Variants in LNPEP observed in about 807,000 individuals in gnomAD.
The protein encoded by LNPEP is leucyl and cystinyl aminopeptidase, also known as leucyl-cystinyl aminopeptidase.
Under a neutral mutation model 120.6 loss-of-function variants are expected in LNPEP, and 64 were observed. That is an observed-to-expected ratio of 0.53 (90% CI 0.43 to 0.65). LNPEP has a LOEUF of 0.65. Among genes scored for constraint, LNPEP ranks in the 30% least tolerant of loss-of-function variants. The probability of loss-of-function intolerance (pLI) is 0.00; values close to 1 mark genes in which losing one functional copy is unlikely to be tolerated. For synonymous variants in LNPEP, 435 were observed against 425.4 expected, an observed-to-expected ratio of 1.02 and a Z score of -0.28; for missense variants, 1,057 against 1,200.0, an observed-to-expected ratio of 0.88 and a Z score of 1.76.
At chr5:96,940,559 TAAAA>T (rs1012707724) in intron 1 of LNPEP, among the ~76,000 whole-genome samples, 3 of 152,010 alleles carry the variant, frequency 2.0e-5, no homozygotes, top group Non-Finnish European at 4.4e-5. Context: ...ACAGAAGAAA[TAAAA>T]AAGCAATAAA....
chr5:96,996,008 A>G (rs1790507153), intron 6 of LNPEP: 1 of 160,302 alleles, frequency 6.2e-6, no homozygotes. Context: ...TAATCTTACT[A>G]ACTTGATATT....
chr5:96,941,785 G>A (rs556351984), intron 1 of LNPEP, among the ~76,000 whole-genome samples: 1 of 152,324 alleles, frequency 6.6e-6, no homozygotes. Flanking sequence ...GCACCTGAAG[G>A]ACTTTGCATT....
chr5:96,990,578 G>C (rs771082400), intron 4 of LNPEP, among the ~76,000 whole-genome samples: 1 of 152,024 alleles, frequency 6.6e-6, no homozygotes, highest in Non-Finnish European at 1.5e-5. Flanking sequence ...ATTGTGTCAC[G>C]CACTAATCTA....
At chr5:96,963,998 A>G (rs192849871) in intron 1 of LNPEP, among the ~76,000 whole-genome samples, 6 of 152,184 alleles carry the variant, frequency 3.9e-5, no homozygotes, top group Admixed American at 3.9e-4. Flanking sequence ...TCTTCCACTT[A>G]TCTAATTGTA....
chr5:96,954,731 TATAC>T (rs1254947252), intron 1 of LNPEP, among the ~76,000 whole-genome samples: 3 of 107,722 alleles, frequency 2.8e-5, no homozygotes, highest in African/African-American at 1.1e-4. Context: ...TACATATATA[TATAC>T]ATATATATAT....
chr5:96,949,089 A>T (rs1019101694), intron 1 of LNPEP, among the ~76,000 whole-genome samples: 4 of 152,230 alleles, frequency 2.6e-5, no homozygotes, highest in African/African-American at 9.6e-5. Context: ...AAAAGCTGGG[A>T]ACTAATGGTG....
intron 6 of LNPEP, among the ~76,000 whole-genome samples, chr5:96,994,637 C>T (rs1233360225): frequency 6.6e-6 from 1 of 151,986 alleles, no homozygotes; most frequent in Non-Finnish European, 1.5e-5. Flanking sequence ...TCTATTTTGC[C>T]CTAGATGAGG....
chr5:96,954,525 A>G lies in LNPEP; in HGVS notation c.19+18351A>G, dbSNP rs571617658. Among the ~76,000 whole-genome samples the G allele has an allele frequency of 3.3e-3, 501 of 151,370 alleles. 6 individuals carry two copies. The highest frequency in any genetic ancestry group is 0.012 in the African/African-American group (482 of 41,212). ...AATTGTTCAAATGAATAAGCTTCTCAGATTTGGCCTTTGTATAATTAAAAT... is the reference window on the plus strand; with the variant it reads ...AATTGTTCAAATGAATAAGCTTCTCGGATTTGGCCTTTGTATAATTAAAAT... On this transcript the variant is annotated intron_variant, in intron 1 of 17. Coordinates refer to ENST00000231368, the MANE Select transcript of LNPEP (RefSeq NM_005575.3).
At chr5:97,012,231 T>TA (rs1443998802) in intron 11 of LNPEP, among the ~76,000 whole-genome samples, 3 of 152,114 alleles carry the variant, frequency 2.0e-5, no homozygotes, top group Non-Finnish European at 4.4e-5. Flanking sequence ...TGAAAAAGGA[T>TA]AAAATAAATG....
chr5:97,022,283 C>G lies in LNPEP; in HGVS notation c.2377-17C>G. On this transcript the variant is annotated splice_polypyrimidine_tract_variant and intron_variant, in intron 13 of 17. Coordinates refer to ENST00000231368, the MANE Select transcript of LNPEP (RefSeq NM_005575.3). ...CTAATTATTATGAAGCCATTATAAT[C>G]TATTTTGTCTCTCTAGACTAGGGTA... 1 of 1,441,082 alleles carries G rather than the reference C, an allele frequency of 6.9e-7. No homozygotes were observed. Among genetic ancestry groups the G allele is most frequent in the African/African-American group, 1.4e-5 (1 of 70,108 alleles). 89.3% of individuals were successfully genotyped at this position (1,441,082 alleles called of 1,614,324 possible).
chr5:96,943,513 C>T (rs908682623), intron 1 of LNPEP, among the ~76,000 whole-genome samples: 1 of 152,218 alleles, frequency 6.6e-6, no homozygotes, highest in Non-Finnish European at 1.5e-5. Flanking sequence ...TCTCGAACTC[C>T]TGGGCTCCAA....
At chr5:96,991,365 C>A (rs2112624925) in intron 4 of LNPEP, among the ~76,000 whole-genome samples, 2 of 152,228 alleles carry the variant, frequency 1.3e-5, no homozygotes, top group Admixed American at 1.3e-4. Context: ...ACTTTTAGTT[C>A]TTGAAGGAAT....
chr5:97,006,225 A>C lies in LNPEP; in HGVS notation c.1938A>C (p.Ser646=). 6.2e-7 allele frequency: 1 copy of C among 1,602,640 alleles called. No homozygotes were observed. The highest frequency in any genetic ancestry group is 8.5e-7 in the Non-Finnish European group (1 of 1,175,768). ...ATATGAAGCCTGAAATTCAGCCTTC[A>C]GATACAAGGTACATGCCCTCTTTCT... ...FLNMKPEIQP[S]DTSYLWHIPL... is the part of the protein sequence containing the mutation. The change falls in exon 10 of 18, where the codon TCA becomes TCC. Residue 646 remains serine (S), a synonymous_variant. Coordinates refer to ENST00000231368, the MANE Select transcript of LNPEP (RefSeq NM_005575.3).
At chr5:97,020,558 T>G (rs973217620) in intron 13 of LNPEP, among the ~76,000 whole-genome samples, 2 of 152,124 alleles carry the variant, frequency 1.3e-5, no homozygotes, top group Non-Finnish European at 2.9e-5. Context: ...ATCCCAGCAC[T>G]TTGGGAGGCC....
At chr5:97,023,347 G>A (rs189612201) in intron 14 of LNPEP, among the ~76,000 whole-genome samples, 12 of 152,008 alleles carry the variant, frequency 7.9e-5, no homozygotes, top group African/African-American at 2.7e-4. Context: ...TCCACTTCTC[G>A]GGTTCCATTG....
chr5:96,986,718 A>G (rs1239527473), intron 4 of LNPEP, 48 bp downstream of exon 4: 1 of 1,559,290 alleles, frequency 6.4e-7, no homozygotes, highest in Middle Eastern at 1.7e-4. Flanking sequence ...CAAGAGGCTC[A>G]GAGGACCTCT....
chr5:96,997,612 A>T (rs574496013), intron 7 of LNPEP, among the ~76,000 whole-genome samples: 1 of 152,128 alleles, frequency 6.6e-6, no homozygotes, highest in Non-Finnish European at 1.5e-5. Flanking sequence ...TAGACTATAT[A>T]TAAGAAATCA....
chr5:96,971,082 T>A (rs1165486387), intron 1 of LNPEP, among the ~76,000 whole-genome samples: 1 of 152,082 alleles, frequency 6.6e-6, no homozygotes, highest in Non-Finnish European at 1.5e-5. Context: ...TTCTGTAAGC[T>A]GTCATTTATT....
At chr5:97,000,903 A>G (rs1257547601) in intron 8 of LNPEP, among the ~76,000 whole-genome samples, 1 of 152,154 alleles carries the variant, frequency 6.6e-6, no homozygotes, top group Non-Finnish European at 1.5e-5. Flanking sequence ...GATTGAGATA[A>G]AAGGTTGCTT....
Sources: allele counts gnomAD v4.1 joint callset (sites outside exome capture counted in the v4.1 genomes callset), GRCh38; gene constraint gnomAD v4.1.1; transcripts MANE v1.5; gene names NCBI Gene and HGNC (gene_info 2026-07-23, HGNC 2026-07-21).